The following ZSCAN5A variants were observed in gnomAD, a reference collection of about 807,000 sequenced individuals.
The protein encoded by ZSCAN5A is zinc finger and SCAN domain-containing protein 5A.
Under a neutral mutation model 23.7 loss-of-function variants are expected in ZSCAN5A, and 12 were observed. The observed-to-expected ratio is 0.51, with a 90% CI of 0.32 to 0.82. The LOEUF (loss-of-function observed/expected upper bound fraction) is 0.82, where lower values mean the gene tolerates loss of function less well. Among genes scored for constraint, ZSCAN5A ranks in the 40% least tolerant of loss-of-function variants. ZSCAN5A has a pLI of 0.03. For missense variants in ZSCAN5A, 597 were observed against 617.9 expected (o/e 0.97, Z 0.36); for synonymous variants, 257 against 239.9 (o/e 1.07, Z -0.66).
chr19:56,343,232 TG>T, intron 2 of ZSCAN5A: 1 of 818,522 alleles, frequency 1.2e-6, no homozygotes, highest in South Asian at 1.4e-5. Flanking sequence ...TTCTTTCTGG[TG>T]ATGTCCTTGG....
chr19:56,341,742 A>C, intron 2 of ZSCAN5A, among the ~76,000 whole-genome samples: 1 of 145,222 alleles, frequency 6.9e-6, no homozygotes, highest in Admixed American at 6.9e-5. Flanking sequence ...TCTGCAGTGC[A>C]CAGAATATTA....
intron 2 of ZSCAN5A, among the ~76,000 whole-genome samples, chr19:56,226,882 C>G (rs2034000283): frequency 1.3e-5 from 2 of 151,996 alleles, no homozygotes; most frequent in African/African-American, 4.8e-5. Flanking sequence ...ACTCATGCAA[C>G]AAATCTGCAC....
intron 2 of ZSCAN5A, chr19:56,245,482 C>A: frequency 1.8e-6 from 1 of 546,692 alleles, no homozygotes; most frequent in South Asian, 2.3e-5. Flanking sequence ...CAGGAGAAAA[C>A]TGAGTGTGCC....
intron 2 of ZSCAN5A, chr19:56,244,065 CATGGGGTCAGGG>C: frequency 1.8e-6 from 2 of 1,121,812 alleles, no homozygotes; most frequent in South Asian, 1.4e-5. Flanking sequence ...TGCAACTCCT[CATGGGGTCAGGG>C]AGGACCCTGC....
At chr19:56,362,336 G>A (rs935894584) in intron 2 of ZSCAN5A, among the ~76,000 whole-genome samples, 2 of 152,112 alleles carry the variant, frequency 1.3e-5, no homozygotes, top group Admixed American at 6.5e-5. Context: ...GGAGGCCAAG[G>A]TGGGCAGATC....
At chr19:56,257,477 T>C (rs2036787017) in intron 2 of ZSCAN5A, among the ~76,000 whole-genome samples, 1 of 152,198 alleles carries the variant, frequency 6.6e-6, no homozygotes, top group African/African-American at 2.4e-5. Context: ...CCCACCATTG[T>C]TACCTGGCTG....
At chr19:56,329,458 T>C (rs1376874988) in intron 2 of ZSCAN5A, among the ~76,000 whole-genome samples, 2 of 151,884 alleles carry the variant, frequency 1.3e-5, no homozygotes, top group East Asian at 1.9e-4. Flanking sequence ...AAGAGGGAAA[T>C]AGGAGAGTTA....
chr19:56,222,797 GA>G, intron 4 of ZSCAN5A, 56 bp from the exon 5 acceptor site: 1 of 1,612,476 alleles, frequency 6.2e-7, no homozygotes, highest in Non-Finnish European at 8.5e-7. Flanking sequence ...TGGAAGCAGG[GA>G]CACATCTGTC....
chr19:56,319,786 G>GT, upstream of ZSCAN5A: 1 of 773,218 alleles, frequency 1.3e-6, no homozygotes, highest in South Asian at 1.3e-5. Context: ...GGTCCCTCCT[G>GT]TAACTATGGT....
intron 2 of ZSCAN5A, among the ~76,000 whole-genome samples, chr19:56,324,186 A>T (rs1280198744): frequency 6.6e-6 from 1 of 152,124 alleles, no homozygotes; most frequent in African/African-American, 2.4e-5. Flanking sequence ...CATGAGATCC[A>T]TGTTTTTAGC....
At chr19:56,233,963 C>T (rs983194156) in intron 2 of ZSCAN5A, among the ~76,000 whole-genome samples, 6 of 152,142 alleles carry the variant, frequency 3.9e-5, no homozygotes, top group African/African-American at 1.4e-4. Flanking sequence ...GTAATCCCAG[C>T]ACTCTGGAAG....
chr19:56,302,613 C>T (rs566632593), intron 2 of ZSCAN5A, among the ~76,000 whole-genome samples: 9 of 112,516 alleles, frequency 8.0e-5, no homozygotes, highest in South Asian at 3.7e-4. Context: ...CTTCCTCTCC[C>T]TCTTCCTCCC....
At chr19:56,289,511 C>T (rs963619263) in intron 2 of ZSCAN5A, among the ~76,000 whole-genome samples, 15 of 152,106 alleles carry the variant, frequency 9.9e-5, no homozygotes, top group African/African-American at 3.6e-4. Flanking sequence ...TACTGATCCT[C>T]GAGGCCAAAG....
chr19:56,222,353 G>A (rs779955104), intron 5 of ZSCAN5A, 27 bp from the exon 6 acceptor site: 2 of 1,603,860 alleles, frequency 1.2e-6, no homozygotes, highest in South Asian at 1.1e-5. Flanking sequence ...CACACACACA[G>A]TTAATAAAGC....
At chr19:56,251,249 G>A (rs1437324408) in intron 2 of ZSCAN5A, among the ~76,000 whole-genome samples, 1 of 151,944 alleles carries the variant, frequency 6.6e-6, no homozygotes, top group African/African-American at 2.4e-5. Flanking sequence ...TGACTGACTG[G>A]GGGTGCCTTT....
intron 2 of ZSCAN5A, among the ~76,000 whole-genome samples, chr19:56,355,537 A>G (rs2041695902): frequency 6.7e-6 from 1 of 149,082 alleles, no homozygotes; most frequent in South Asian, 2.1e-4. Context: ...AAATACTGGA[A>G]AAACTAAATT....
chr19:56,292,707 A>T (rs1189281135), intron 2 of ZSCAN5A, among the ~76,000 whole-genome samples: 1 of 152,064 alleles, frequency 6.6e-6, no homozygotes, highest in Non-Finnish European at 1.5e-5. Flanking sequence ...TACCCATTAA[A>T]CAGTCAGTCC....
chr19:56,317,263 C>G (rs949987257), upstream of ZSCAN5A: 2 of 152,308 alleles, frequency 1.3e-5, no homozygotes, highest in African/African-American at 4.8e-5. Flanking sequence ...CACGGCCACT[C>G]TGGCCTTGCC....
chr19:56,344,292 C>T lies in ZSCAN5A; in HGVS notation c.-358+18943G>A, dbSNP rs141846938. The stretch of plus-strand genomic sequence containing the variant: ...CCTAAAGCCACAAGATTAGAAGTTA[C>T]GGTAATGTTACTAAATTCAAGATAG... On this transcript the variant is annotated intron_variant, in intron 2 of 6. Transcript: ENST00000587340. Among the ~76,000 whole-genome samples the T allele has an allele frequency of 2.0e-3, 311 of 152,352 alleles. 2 individuals carry two copies. The highest frequency in any genetic ancestry group is 7.2e-3 in the African/African-American group (298 of 41,584).
Sources: allele counts gnomAD v4.1 joint callset (sites outside exome capture counted in the v4.1 genomes callset), GRCh38; gene constraint gnomAD v4.1.1; transcripts MANE v1.5; gene names NCBI Gene and HGNC (gene_info 2026-07-23, HGNC 2026-07-21).